NCALD: variants seen among roughly 807,000 people sequenced by gnomAD.
NCALD encodes neurocalcin-delta.
Under a neutral mutation model 18.6 loss-of-function variants are expected in NCALD, and 10 were observed. The ratio of observed to expected loss-of-function variants is 0.54; its 90% CI spans 0.33 to 0.91. The LOEUF is 0.91. NCALD is among the 40% of genes least tolerant of loss of function. The probability of loss-of-function intolerance (pLI) is 0.03; values close to 1 mark genes in which losing one functional copy is unlikely to be tolerated. For synonymous variants in NCALD, 88 were observed against 87.4 expected (o/e 1.01, Z -0.04); for missense variants, 184 against 247.6 (o/e 0.74, Z 1.72).
intron 2 of NCALD, among the ~76,000 whole-genome samples, chr8:101,700,427 C>T (rs1269160902): frequency 6.6e-6 from 1 of 152,116 alleles, no homozygotes; most frequent in Non-Finnish European, 1.5e-5. Context: ...ACAAAAAGCA[C>T]CTTATTTTTC....
chr8:101,871,530 CA>C (rs1816017874), intron 4 of NCALD, among the ~76,000 whole-genome samples: 1 of 151,514 alleles, frequency 6.6e-6, no homozygotes, highest in South Asian at 2.1e-4. Context: ...AGCTGTGTGC[CA>C]GGGGAGATGT....
chr8:101,772,815 A>G (rs1335469282), intron 1 of NCALD, among the ~76,000 whole-genome samples: 3 of 152,294 alleles, frequency 2.0e-5, no homozygotes, highest in South Asian at 2.1e-4. Flanking sequence ...TTGGTTCACC[A>G]TCTTAAATCT....
At chr8:101,735,158 G>A (rs1817018902) in intron 1 of NCALD, among the ~76,000 whole-genome samples, 1 of 152,128 alleles carries the variant, frequency 6.6e-6, no homozygotes, top group East Asian at 1.9e-4. Context: ...AACAAAGACT[G>A]AGGAAAACAT....
At chr8:102,123,525 A>C (rs1242296059) in intron 1 of NCALD, among the ~76,000 whole-genome samples, 1 of 151,740 alleles carries the variant, frequency 6.6e-6, no homozygotes, top group Non-Finnish European at 1.5e-5. Context: ...TCCCGGGCTG[A>C]TACAACCCAC....
intron 1 of NCALD, among the ~76,000 whole-genome samples, chr8:102,032,519 C>T (rs973573066): frequency 4.7e-5 from 7 of 148,266 alleles, no homozygotes; most frequent in Non-Finnish European, 1.0e-4. Context: ...TTTGGCTAGA[C>T]TGAAAGATGG....
At chr8:101,897,334 G>T (rs1260994408) in intron 3 of NCALD, among the ~76,000 whole-genome samples, 3 of 146,690 alleles carry the variant, frequency 2.0e-5, no homozygotes, top group Non-Finnish European at 4.5e-5. Context: ...CATGGACACA[G>T]GAAGCGGAAT....
chr8:101,711,934 C>A (rs967533143), intron 2 of NCALD, among the ~76,000 whole-genome samples: 3 of 152,138 alleles, frequency 2.0e-5, no homozygotes, highest in Admixed American at 2.0e-4. Context: ...CACAAAGATA[C>A]TTCTCGAGAA....
intron 1 of NCALD, among the ~76,000 whole-genome samples, chr8:101,729,576 T>TA (rs111495435): frequency 6.6e-6 from 1 of 152,134 alleles, no homozygotes; most frequent in Non-Finnish European, 1.5e-5. Flanking sequence ...CTTGTTCTCA[T>TA]AACCCCTGCA....
At chr8:101,763,205 A>C (rs1811186494) in intron 1 of NCALD, among the ~76,000 whole-genome samples, 1 of 152,226 alleles carries the variant, frequency 6.6e-6, no homozygotes, top group Non-Finnish European at 1.5e-5. Context: ...AGAGTAAAGG[A>C]GACCAGGAAT....
intron 1 of NCALD, among the ~76,000 whole-genome samples, chr8:102,086,387 T>C (rs2132353811): frequency 6.6e-6 from 1 of 152,322 alleles, no homozygotes; most frequent in East Asian, 1.9e-4. Flanking sequence ...TCCCAATGAA[T>C]CTAATGTAAC....
intron 1 of NCALD, among the ~76,000 whole-genome samples, chr8:101,786,916 G>GA (rs1305629541): frequency 6.6e-6 from 1 of 152,184 alleles, no homozygotes; most frequent in Admixed American, 6.5e-5. Context: ...AGGCACTTAT[G>GA]AAAATACATG....
chr8:102,045,399 G>T, intron 1 of NCALD, among the ~76,000 whole-genome samples: 1 of 152,058 alleles, frequency 6.6e-6, no homozygotes, highest in Non-Finnish European at 1.5e-5. Context: ...CTACCATACC[G>T]GGTGCTTATG....
At chr8:101,769,197 G>T (rs931005562) in intron 1 of NCALD, among the ~76,000 whole-genome samples, 4 of 152,310 alleles carry the variant, frequency 2.6e-5, no homozygotes, top group Admixed American at 2.0e-4. Flanking sequence ...TAATCAATTT[G>T]TTGTTTTTAG....
intron 2 of NCALD, among the ~76,000 whole-genome samples, chr8:101,997,943 GAT>G (rs755194369): frequency 1.3e-5 from 2 of 152,128 alleles, no homozygotes; most frequent in East Asian, 3.9e-4. Context: ...AACTGGAAAT[GAT>G]TATTTAGTAA....
chr8:101,888,702 C>A (rs1438832119), intron 3 of NCALD, among the ~76,000 whole-genome samples: 1 of 152,112 alleles, frequency 6.6e-6, no homozygotes, highest in Non-Finnish European at 1.5e-5. Context: ...CAGGCACAAA[C>A]CACCACACCC....
intron 3 of NCALD, among the ~76,000 whole-genome samples, chr8:101,891,688 T>C (rs1030640079): frequency 1.3e-5 from 2 of 152,276 alleles, no homozygotes; most frequent in African/African-American, 2.4e-5. Context: ...GGGCGAGGCA[T>C]TGCCTCACTT....
chr8:102,002,081 C>A (rs1821495752), intron 2 of NCALD, among the ~76,000 whole-genome samples: 1 of 152,102 alleles, frequency 6.6e-6, no homozygotes, highest in Non-Finnish European at 1.5e-5. Context: ...CACAGACTGG[C>A]AAATTGGATA....
chr8:101,779,382 A>G (rs1294106779), intron 1 of NCALD, among the ~76,000 whole-genome samples: 9 of 152,210 alleles, frequency 5.9e-5, no homozygotes, highest in Admixed American at 5.2e-4. Context: ...CAATTAAACT[A>G]TGACATGCCA....
intron 1 of NCALD, among the ~76,000 whole-genome samples, chr8:102,052,042 G>A (rs1022749078): frequency 6.6e-6 from 1 of 152,202 alleles, no homozygotes; most frequent in African/African-American, 2.4e-5. Context: ...GAAGCTGAAT[G>A]TAATGTTCTT....
Sources: allele counts gnomAD v4.1 joint callset (sites outside exome capture counted in the v4.1 genomes callset), GRCh38; gene constraint gnomAD v4.1.1; transcripts MANE v1.5; gene names NCBI Gene and HGNC (gene_info 2026-07-23, HGNC 2026-07-21).